Variants in IKZF2 observed in about 807,000 individuals in gnomAD.
The protein encoded by IKZF2 is IKAROS family zinc finger 2, also known as zinc finger protein Helios.
Under a neutral mutation model 49.2 loss-of-function variants are expected in IKZF2, and 15 were observed. The observed-to-expected ratio is 0.30, with a 90% CI of 0.20 to 0.47. The LOEUF is 0.47. Ranked by LOEUF, IKZF2 falls within the 20% of genes least tolerant of loss-of-function variation. IKZF2 has a pLI of 1.00. For missense variants in IKZF2, 567 were observed against 664.6 expected, an observed-to-expected ratio of 0.85 and a Z score of 1.61; for synonymous variants, 227 against 221.4, an observed-to-expected ratio of 1.03 and a Z score of -0.23.
At chr2:213,107,025 C>T (rs886089410) in intron 4 of IKZF2, among the ~76,000 whole-genome samples, 2 of 151,942 alleles carry the variant, frequency 1.3e-5, no homozygotes, top group African/African-American at 4.8e-5. Context: ...AAATCATAAA[C>T]CTAGAAATCA....
intron 7 of IKZF2, among the ~76,000 whole-genome samples, chr2:213,019,250 A>G (rs1468873670): frequency 6.6e-6 from 1 of 152,212 alleles, no homozygotes; most frequent in Admixed American, 6.5e-5. Context: ...TAATAGTTAA[A>G]TCATTTCATG....
intron 4 of IKZF2, among the ~76,000 whole-genome samples, chr2:213,093,378 T>C (rs1705574533): frequency 6.6e-6 from 1 of 152,130 alleles, no homozygotes; most frequent in Non-Finnish European, 1.5e-5. Context: ...AAGCCAACTT[T>C]TTCCTGCTGC....
chr2:213,100,769 G>C (rs1252896046), intron 4 of IKZF2, among the ~76,000 whole-genome samples: 1 of 151,898 alleles, frequency 6.6e-6, no homozygotes, highest in Non-Finnish European at 1.5e-5. Context: ...GGCTACTCTA[G>C]GTAGTATTTC....
At chr2:213,069,238 A>G (rs1006598054) in intron 4 of IKZF2, among the ~76,000 whole-genome samples, 1 of 152,100 alleles carries the variant, frequency 6.6e-6, no homozygotes, top group African/African-American at 2.4e-5. Context: ...GATACCAGCT[A>G]CCTTGATCCC....
chr2:213,030,029 G>T (rs1698242030), intron 6 of IKZF2, among the ~76,000 whole-genome samples: 1 of 151,916 alleles, frequency 6.6e-6, no homozygotes, highest in East Asian at 1.9e-4. Flanking sequence ...TTAAATTATG[G>T]TCTTACTGCT....
At chr2:213,151,094 G>A (rs973916128) in intron 1 of IKZF2, among the ~76,000 whole-genome samples, 2 of 151,906 alleles carry the variant, frequency 1.3e-5, no homozygotes, top group Non-Finnish European at 2.9e-5. Context: ...CAGATTACAA[G>A]GAGGGGACGA....
In IKZF2 at chr2:213,002,345, C is replaced by T. The variant is rs892438750; in HGVS notation, c.*5015G>A. ...TCCTAAGAGTGCAGGTGAAAAATATCCTCAAACTTACAGTACAGCAAGATA... is the reference window on the plus strand; with the variant it reads ...TCCTAAGAGTGCAGGTGAAAAATATTCTCAAACTTACAGTACAGCAAGATA... On this transcript the variant is annotated 3_prime_UTR_variant, in exon 9 of 9. Coordinates refer to ENST00000434687, the MANE Select transcript of IKZF2 (RefSeq NM_001387220.1). The T allele has an allele frequency of 5.9e-5, 9 of 151,434 alleles. No individual in the cohort carries two copies. Among genetic ancestry groups the T allele is most frequent in the African/African-American group, 2.2e-4 (9 of 41,462 alleles). The allele number at this position is 151,434 out of a possible 1,614,324, so 9.4% of individuals were successfully genotyped here. A position where few individuals can be genotyped will look rare whatever the true frequency, so the allele number is the denominator to read the frequency against.
intron 4 of IKZF2, among the ~76,000 whole-genome samples, chr2:213,133,702 A>AT (rs1474643549): frequency 4.8e-5 from 6 of 124,784 alleles, no homozygotes; most frequent in Admixed American, 1.0e-4. Context: ...TCCGTCTCGA[A>AT]AAAATAAATA....
chr2:213,022,623 A>G (rs1697349800), intron 6 of IKZF2, among the ~76,000 whole-genome samples: 1 of 152,206 alleles, frequency 6.6e-6, no homozygotes. Flanking sequence ...GAAGATTAAA[A>G]AGAACTCAAG....
At chr2:213,112,528 A>C (rs529120280) in intron 4 of IKZF2, among the ~76,000 whole-genome samples, 1 of 150,816 alleles carries the variant, frequency 6.6e-6, no homozygotes, top group East Asian at 1.9e-4. Context: ...CAGTGGCACG[A>C]TCACAGCTCA....
At chr2:213,094,554 G>C (rs1705745372) in intron 4 of IKZF2, among the ~76,000 whole-genome samples, 1 of 152,108 alleles carries the variant, frequency 6.6e-6, no homozygotes, top group African/African-American at 2.4e-5. Context: ...GCACACTGAG[G>C]CTGAGATGCG....
At chr2:213,092,170 T>TGCACA (rs1328569591) in intron 4 of IKZF2, among the ~76,000 whole-genome samples, 1 of 151,984 alleles carries the variant, frequency 6.6e-6, no homozygotes, top group Non-Finnish European at 1.5e-5. Flanking sequence ...GAACCACATA[T>TGCACA]GCACACCACC....
chr2:213,131,435 A>G (rs2060471096), intron 4 of IKZF2, among the ~76,000 whole-genome samples: 1 of 152,270 alleles, frequency 6.6e-6, no homozygotes, highest in South Asian at 2.1e-4. Flanking sequence ...TCATTACTCA[A>G]AATAATAATA....
intron 6 of IKZF2, among the ~76,000 whole-genome samples, chr2:213,041,059 AGT>A: frequency 6.6e-6 from 1 of 152,152 alleles, no homozygotes; most frequent in Middle Eastern, 3.4e-3. Flanking sequence ...CGGAGGTTGC[AGT>A]GAGCCGAGAT....
intron 4 of IKZF2, among the ~76,000 whole-genome samples, chr2:213,093,440 G>A (rs60506358): frequency 0.013 from 1,908 of 152,166 alleles, 35 homozygotes; most frequent in African/African-American, 0.044. Context: ...CTATCTGAGT[G>A]GCCCCCACTC....
intron 4 of IKZF2, among the ~76,000 whole-genome samples, chr2:213,096,613 G>A (rs1221517043): frequency 2.6e-5 from 4 of 151,790 alleles, no homozygotes; most frequent in African/African-American, 9.7e-5. Context: ...ATTTACCTAA[G>A]CACTGTACCG....
At chr2:213,073,208 CGAGGAGCTAATATAGTTAATCT>C (rs1245079398) in intron 4 of IKZF2, among the ~76,000 whole-genome samples, 2 of 152,024 alleles carry the variant, frequency 1.3e-5, no homozygotes, top group Admixed American at 6.6e-5. Context: ...AAAGTTAATA[CGAGGAGCTAATATAGTTAATCT>C]GGTACTAGAA....
At chr2:213,147,054 A>C (rs2061099633) in intron 4 of IKZF2, among the ~76,000 whole-genome samples, 1 of 152,162 alleles carries the variant, frequency 6.6e-6, no homozygotes, top group South Asian at 2.1e-4. Context: ...GCATCTTATT[A>C]CATAAAAACA....
chr2:213,013,119 G>C (rs1337531074), intron 8 of IKZF2, among the ~76,000 whole-genome samples: 2 of 151,764 alleles, frequency 1.3e-5, no homozygotes, highest in Non-Finnish European at 1.5e-5. Flanking sequence ...AAAATCATAG[G>C]CTGGATGAAA....
Sources: gnomAD v4.1 joint callset for allele counts (sites outside exome capture counted in the v4.1 genomes callset) on GRCh38, gnomAD v4.1.1 for gene constraint, MANE v1.5 for transcripts, NCBI Gene and HGNC (gene_info 2026-07-23, HGNC 2026-07-21) for gene names.